METTL25: variants seen among roughly 807,000 people sequenced by gnomAD.
The protein encoded by METTL25 is methyltransferase like 25.
A neutral mutation model predicts 71.6 loss-of-function variants in METTL25; 64 were observed. That is an observed-to-expected ratio of 0.89 (90% CI 0.73 to 1.10). The LOEUF is 1.10. Ranked by LOEUF, METTL25 falls within the 50% of genes least tolerant of loss-of-function variation. The pLI is 0.00. For missense variants in METTL25, 807 were observed against 707.0 expected, an observed-to-expected ratio of 1.14 and a Z score of -1.60; for synonymous variants, 287 against 250.3, an observed-to-expected ratio of 1.15 and a Z score of -1.38.
At chr12:82,414,631 T>G (rs765037695) in intron 5 of METTL25, among the ~76,000 whole-genome samples, 23 of 152,066 alleles carry the variant, frequency 1.5e-4, no homozygotes, top group Non-Finnish European at 4.4e-5. Context: ...AAAGAAGTAG[T>G]AAAGAGGAAG....
chr12:82,415,663 T>G (rs1887919256), intron 5 of METTL25, among the ~76,000 whole-genome samples: 1 of 152,104 alleles, frequency 6.6e-6, no homozygotes, highest in Non-Finnish European at 1.5e-5. Flanking sequence ...GCTTATGCAG[T>G]GAGGTAGTGA....
intron 1 of METTL25, among the ~76,000 whole-genome samples, chr12:82,383,554 TA>T (rs1485466703): frequency 6.6e-6 from 1 of 152,116 alleles, no homozygotes; most frequent in Non-Finnish European, 1.5e-5. Context: ...ACATGAAAGG[TA>T]AAGTGCTTAG....
chr12:82,387,829 T>C lies in METTL25; in HGVS notation c.424+862T>C, dbSNP rs1721972402. On this transcript the variant is annotated intron_variant, in intron 2 of 11. Transcript: ENST00000248306. Reference sequence around the variant, plus strand: ...TCTCAAAATAACAAGGGCATTTTCCTACACATCTCATAGTTTATTGGCACA... The same window carrying C: ...TCTCAAAATAACAAGGGCATTTTCCCACACATCTCATAGTTTATTGGCACA... Among the ~76,000 whole-genome samples the C allele has an allele frequency of 5.3e-5, 8 of 152,138 alleles. No homozygotes were observed. The South Asian group carries it at 1.4e-3, about 28-fold the overall frequency.
At chr12:82,468,781 G>C (rs909416185) in intron 9 of METTL25, 6 of 152,318 alleles carry the variant, frequency 3.9e-5, no homozygotes, top group Non-Finnish European at 5.9e-5. Flanking sequence ...GCTATGTTGT[G>C]CACAGGGGGT....
chr12:82,462,134 T>C lies in METTL25; in HGVS notation c.1572+5314T>C, dbSNP rs557949921. Among the ~76,000 whole-genome samples the C allele has an allele frequency of 3.9e-5, 6 of 152,268 alleles. No individual in the cohort carries two copies. The South Asian group carries it at 1.0e-3, about 26-fold the overall frequency. On this transcript the variant is annotated intron_variant, in intron 9 of 11. Transcript: ENST00000248306. ...TCAGTGTGCACTCTCAATTTATAAGTTTGCATGTCTGTTCTTGCCTAAGGA... is the reference window on the plus strand; with the variant it reads ...TCAGTGTGCACTCTCAATTTATAAGCTTGCATGTCTGTTCTTGCCTAAGGA...
chr12:82,400,572 A>G (rs1886524069), intron 4 of METTL25, among the ~76,000 whole-genome samples: 1 of 49,654 alleles, frequency 2.0e-5, no homozygotes, highest in South Asian at 1.1e-3. Context: ...AACAATCTCA[A>G]TGACTTTAGT....
intron 1 of METTL25, among the ~76,000 whole-genome samples, chr12:82,380,092 T>A (rs1158444876): frequency 6.6e-6 from 1 of 152,198 alleles, no homozygotes; most frequent in African/African-American, 2.4e-5. Flanking sequence ...ACTTAATGGT[T>A]TAAGGGTTGC....
At chr12:82,434,753 G>T in intron 7 of METTL25, 29 bp downstream of exon 7, 1 of 1,601,234 alleles carries the variant, frequency 6.2e-7, no homozygotes, top group Non-Finnish European at 8.5e-7. Context: ...TGATGAACAC[G>T]ACAGTTTTTC....
chr12:82,397,431 A>G (rs1467493433), intron 3 of METTL25, among the ~76,000 whole-genome samples: 1 of 151,992 alleles, frequency 6.6e-6, no homozygotes, highest in Non-Finnish European at 1.5e-5. Flanking sequence ...TGTCTTTTTG[A>G]ATAGAAGTTT....
intron 3 of METTL25, among the ~76,000 whole-genome samples, chr12:82,397,845 G>A (rs1323932341): frequency 6.6e-6 from 1 of 151,602 alleles, no homozygotes; most frequent in East Asian, 1.9e-4. Context: ...TGATTTATGT[G>A]TCTGTTTTTA....
intron 9 of METTL25, 54 bp downstream of exon 9, chr12:82,456,874 G>A (rs1298713793): frequency 1.2e-6 from 1 of 837,674 alleles, no homozygotes; most frequent in East Asian, 2.8e-5. Context: ...CTTCTATTTT[G>A]TAATGAATTG....
intron 1 of METTL25, 155 bp downstream of exon 1, chr12:82,358,979 G>C: frequency 1.3e-6 from 1 of 742,764 alleles, no homozygotes; most frequent in Non-Finnish European, 2.2e-6. Flanking sequence ...ATTAGTTGAG[G>C]GGTGGGGTGG....
intron 1 of METTL25, among the ~76,000 whole-genome samples, chr12:82,382,770 C>T (rs1377116317): frequency 6.6e-6 from 1 of 151,952 alleles, no homozygotes; most frequent in African/African-American, 2.4e-5. Flanking sequence ...GGCTGGAGTG[C>T]AGTGTCATGA....
At chr12:82,455,845 A>G (rs1891454200) in intron 8 of METTL25, among the ~76,000 whole-genome samples, 1 of 151,972 alleles carries the variant, frequency 6.6e-6, no homozygotes, top group Non-Finnish European at 1.5e-5. Context: ...ACAAAATAAA[A>G]AGGCTCTTAG....
At chr12:82,466,828 C>G (rs1892265905) in intron 9 of METTL25, among the ~76,000 whole-genome samples, 1 of 152,022 alleles carries the variant, frequency 6.6e-6, no homozygotes. Flanking sequence ...AAAGTATTCC[C>G]TTTATTATTA....
rs1390582335 is a variant in METTL25, at chr12:82,358,859, C to T, written c.259+35C>T. The T allele has an allele frequency of 5.8e-6, 9 of 1,563,224 alleles. No individual in the cohort carries two copies. The African/African-American group carries it at 9.5e-5, about 16-fold the overall frequency. ...GGGGTAGGCGGGGCGGGAAGGGAGGCGGAGGAGAAGGTCCCGGCAGACGAA... is the reference window on the plus strand; with the variant it reads ...GGGGTAGGCGGGGCGGGAAGGGAGGTGGAGGAGAAGGTCCCGGCAGACGAA... On this transcript the variant is annotated intron_variant, in intron 1 of 11. Coordinates refer to ENST00000248306, the MANE Select transcript of METTL25 (RefSeq NM_032230.3).
At chr12:82,420,153 T>C (rs945794285) in intron 5 of METTL25, among the ~76,000 whole-genome samples, 4 of 152,038 alleles carry the variant, frequency 2.6e-5, no homozygotes, top group African/African-American at 9.7e-5. Context: ...AAATCTAAAA[T>C]AGTCAAACAC....
intron 3 of METTL25, 35 bp downstream of exon 3, chr12:82,389,957 A>G: frequency 2.5e-6 from 3 of 1,191,512 alleles, no homozygotes; most frequent in Non-Finnish European, 3.7e-6. Context: ...AGGTGTTAAA[A>G]TTATTGCCAC....
intron 1 of METTL25, among the ~76,000 whole-genome samples, chr12:82,359,438 G>A (rs1262776269): frequency 6.6e-6 from 1 of 152,094 alleles, no homozygotes; most frequent in Non-Finnish European, 1.5e-5. Context: ...GGCCTTGGAA[G>A]GATTTTGGAT....
Sources: allele counts gnomAD v4.1 joint callset (sites outside exome capture counted in the v4.1 genomes callset), GRCh38; gene constraint gnomAD v4.1.1; transcripts MANE v1.5; gene names NCBI Gene and HGNC (gene_info 2026-07-23, HGNC 2026-07-21).